PKNOX2: variants seen among roughly 807,000 people sequenced by gnomAD.
The protein encoded by PKNOX2 is homeobox protein PKNOX2.
In PKNOX2, 14 loss-of-function variants were observed where a neutral mutation model predicts 53.1. The observed-to-expected ratio is 0.26, with a 90% confidence interval of 0.17 to 0.41. PKNOX2 has a LOEUF of 0.41. PKNOX2 is among the 10% of genes least tolerant of loss of function. The probability of loss-of-function intolerance (pLI) is 1.00; values close to 1 mark genes in which losing one functional copy is unlikely to be tolerated. For missense variants in PKNOX2, 496 were observed against 602.8 expected (o/e 0.82, Z 1.85); for synonymous variants, 257 against 242.8 (o/e 1.06, Z -0.54).
intron 1 of PKNOX2, among the ~76,000 whole-genome samples, chr11:125,170,963 G>C (rs1282329243): frequency 2.0e-5 from 3 of 151,808 alleles, no homozygotes; most frequent in African/African-American, 7.3e-5. Flanking sequence ...GGTGCCCAGT[G>C]GGGGAGGGGG....
intron 2 of PKNOX2, among the ~76,000 whole-genome samples, chr11:125,263,449 T>C (rs546423134): frequency 6.6e-6 from 1 of 152,346 alleles, no homozygotes; most frequent in Admixed American, 6.5e-5. Flanking sequence ...CGGTAACAGC[T>C]GCAGTCCAGC....
chr11:125,209,398 C>T (rs1262319506), intron 1 of PKNOX2, among the ~76,000 whole-genome samples: 1 of 151,966 alleles, frequency 6.6e-6, no homozygotes, highest in Non-Finnish European at 1.5e-5. Flanking sequence ...CACACACATA[C>T]ACATGTGCGC....
intron 10 of PKNOX2, among the ~76,000 whole-genome samples, chr11:125,418,512 T>C (rs1344953173): frequency 6.6e-6 from 1 of 151,984 alleles, no homozygotes; most frequent in Non-Finnish European, 1.5e-5. Flanking sequence ...TCCTTCTGGC[T>C]GGGGGGAGGC....
At chr11:125,253,474 T>C (rs1944163076) in intron 2 of PKNOX2, among the ~76,000 whole-genome samples, 2 of 152,144 alleles carry the variant, frequency 1.3e-5, no homozygotes, top group South Asian at 2.1e-4. Context: ...CCGCTTGCTG[T>C]TCTGCTGCTC....
chr11:125,393,285 G>C (rs1380362308), intron 6 of PKNOX2, among the ~76,000 whole-genome samples: 1 of 152,080 alleles, frequency 6.6e-6, no homozygotes, highest in African/African-American at 2.4e-5. Flanking sequence ...AAATTAAAAA[G>C]AAGTTGTGTT....
At chr11:125,340,943 C>T (rs898001963) in intron 3 of PKNOX2, among the ~76,000 whole-genome samples, 12 of 150,610 alleles carry the variant, frequency 8.0e-5, no homozygotes, top group South Asian at 6.3e-4. Flanking sequence ...CCAGATACTC[C>T]GGAGACTGAG....
chr11:125,212,596 C>G (rs1052139195), intron 1 of PKNOX2, among the ~76,000 whole-genome samples: 1 of 151,308 alleles, frequency 6.6e-6, no homozygotes, highest in African/African-American at 2.4e-5. Context: ...TGTCAGAGCT[C>G]GGTGTTGCCA....
intron 5 of PKNOX2, among the ~76,000 whole-genome samples, chr11:125,371,431 T>C (rs2136292223): frequency 1.3e-5 from 2 of 152,194 alleles, no homozygotes; most frequent in East Asian, 3.9e-4. Context: ...CACCCGCCCA[T>C]GCTGGTGAGG....
chr11:125,280,724 T>A (rs769186737), intron 2 of PKNOX2, among the ~76,000 whole-genome samples: 1 of 151,656 alleles, frequency 6.6e-6, no homozygotes, highest in African/African-American at 2.4e-5. Flanking sequence ...CGGTGTGGAG[T>A]TCCCCCAAGA....
chr11:125,399,682 A>G (rs1307165304), intron 7 of PKNOX2, among the ~76,000 whole-genome samples: 1 of 152,234 alleles, frequency 6.6e-6, no homozygotes, highest in Admixed American at 6.5e-5. Context: ...TGTGAGGATC[A>G]TATCAGAAAA....
chr11:125,278,403 C>T (rs563504897), intron 2 of PKNOX2, among the ~76,000 whole-genome samples: 1 of 152,194 alleles, frequency 6.6e-6, no homozygotes, highest in South Asian at 2.1e-4. Context: ...GTCAGAGAGA[C>T]CAGGATCCCC....
At chr11:125,402,330 G>A (rs1452318891) in intron 7 of PKNOX2, among the ~76,000 whole-genome samples, 3 of 152,136 alleles carry the variant, frequency 2.0e-5, no homozygotes, top group Non-Finnish European at 4.4e-5. Context: ...TCTGTAAGGA[G>A]ACTGGTTCTA....
At chr11:125,318,199 T>C (rs1462229137) in intron 2 of PKNOX2, among the ~76,000 whole-genome samples, 2 of 152,126 alleles carry the variant, frequency 1.3e-5, no homozygotes, top group African/African-American at 4.8e-5. Context: ...TTCTGCCCCC[T>C]GGGTTCAAGT....
intron 10 of PKNOX2, among the ~76,000 whole-genome samples, chr11:125,415,145 G>A (rs1955802050): frequency 6.6e-6 from 1 of 151,984 alleles, no homozygotes; most frequent in African/African-American, 2.4e-5. Flanking sequence ...CCAAGGTACG[G>A]AGCTTTATAG....
At chr11:125,222,635 A>ATGTC (rs1941282163) in intron 1 of PKNOX2, among the ~76,000 whole-genome samples, 1 of 126,764 alleles carries the variant, frequency 7.9e-6, no homozygotes, top group African/African-American at 3.2e-5. Flanking sequence ...GTGTGTGTGT[A>ATGTC]TGTGTGTGCG....
chr11:125,366,558 A>G (rs182426494), intron 4 of PKNOX2, among the ~76,000 whole-genome samples: 3 of 152,202 alleles, frequency 2.0e-5, no homozygotes, highest in Non-Finnish European at 4.4e-5. Flanking sequence ...GCACATAAAT[A>G]TAGAATATGA....
At chr11:125,376,046 T>C (rs1952817691) in intron 5 of PKNOX2, among the ~76,000 whole-genome samples, 1 of 152,216 alleles carries the variant, frequency 6.6e-6, no homozygotes, top group Non-Finnish European at 1.5e-5. Flanking sequence ...AGTTTTAACT[T>C]TCACTGTGTT....
intron 2 of PKNOX2, among the ~76,000 whole-genome samples, chr11:125,244,893 C>T (rs1393529461): frequency 6.6e-6 from 1 of 152,042 alleles, no homozygotes; most frequent in Non-Finnish European, 1.5e-5. Context: ...GGACCCATTT[C>T]CTGGTGCAGG....
chr11:125,320,811 A>G (rs1021544160), intron 2 of PKNOX2, among the ~76,000 whole-genome samples: 2 of 152,196 alleles, frequency 1.3e-5, no homozygotes, highest in African/African-American at 4.8e-5. Context: ...GGAGGTGGAT[A>G]TGTAAACAGT....
Sources: allele counts gnomAD v4.1 joint callset (sites outside exome capture counted in the v4.1 genomes callset), GRCh38; gene constraint gnomAD v4.1.1; transcripts MANE v1.5; gene names NCBI Gene and HGNC (gene_info 2026-07-23, HGNC 2026-07-21).